The following METTL14 variants were observed in gnomAD, a reference collection of about 807,000 sequenced individuals.
The protein encoded by METTL14 is methyltransferase 14, N6-adenosine-methyltransferase non-catalytic subunit, also known as N(6)-adenosine-methyltransferase non-catalytic subunit METTL14.
METTL14 carries 32 observed loss-of-function variants against 62.4 expected under a neutral mutation model. The ratio of observed to expected loss-of-function variants is 0.51; its 90% CI spans 0.39 to 0.69. The LOEUF is 0.69. Ranked by LOEUF, METTL14 falls within the 30% of genes least tolerant of loss-of-function variation. The probability of loss-of-function intolerance (pLI) is 0.00; values close to 1 mark genes in which losing one functional copy is unlikely to be tolerated. For synonymous variants in METTL14, 150 were observed against 180.0 expected, an observed-to-expected ratio of 0.83 and a Z score of 1.34; for missense variants, 340 against 551.9, an observed-to-expected ratio of 0.62 and a Z score of 3.85.
chr4:118,692,226 C>CTTTTTTT (rs11387432), intron 5 of METTL14, among the ~76,000 whole-genome samples, 158 bp downstream of exon 5: 12 of 131,438 alleles, frequency 9.1e-5, no homozygotes, highest in African/African-American at 1.7e-4. Flanking sequence ...CTTTTCTTTT[C>CTTTTTTT]TTTTTTTTTT....
chr4:118,705,533 T>C (rs1238958553), intron 9 of METTL14, 78 bp from the exon 10 acceptor site: 12 of 1,101,122 alleles, frequency 1.1e-5, no homozygotes, highest in African/African-American at 3.1e-5. Flanking sequence ...GTTTTAGAAT[T>C]GAGGACATCA....
chr4:118,714,129 TTA>T lies in METTL14; in HGVS notation c.*3828_*3829del, dbSNP rs1313505376. On this transcript the variant is annotated 3_prime_UTR_variant, in exon 11 of 11. Coordinates refer to ENST00000388822, the MANE Select transcript of METTL14 (RefSeq NM_020961.4). ...TGTAAAATGCATATGGGACTCTATA[TTA>T]ATAGAGAAGCAGGCCAAGAACTTTT... 1.3e-5 allele frequency: 2 copies of T among 151,630 alleles called. No individual in the cohort carries two copies. The highest frequency in any genetic ancestry group is 2.9e-5 in the Non-Finnish European group (2 of 68,034). 9.4% of individuals were successfully genotyped at this position (151,630 alleles called of 1,614,324 possible).
intron 7 of METTL14, among the ~76,000 whole-genome samples, chr4:118,698,065 T>C (rs1346047152): frequency 6.6e-6 from 1 of 152,130 alleles, no homozygotes; most frequent in Non-Finnish European, 1.5e-5. Context: ...GTTGGGACTT[T>C]TATTCTGAAG....
At chr4:118,687,627 A>G (rs529916264) in intron 1 of METTL14, among the ~76,000 whole-genome samples, 1 of 152,336 alleles carries the variant, frequency 6.6e-6, no homozygotes, top group East Asian at 1.9e-4. Context: ...TTTACTTTCA[A>G]CTTACAATGG....
At chr4:118,687,821 GT>G in intron 1 of METTL14, 101 bp from the exon 2 acceptor site, 1 of 782,478 alleles carries the variant, frequency 1.3e-6, no homozygotes, top group African/African-American at 1.8e-5. Context: ...GAATTAAGGT[GT>G]TTTTGTTTTT....
At position 118,710,526 on chromosome 4, in the gene METTL14, A is replaced by G. The variant is rs920791335; in HGVS notation, c.*224A>G. On this transcript the variant is annotated 3_prime_UTR_variant, in exon 11 of 11. Coordinates refer to ENST00000388822, the MANE Select transcript of METTL14 (RefSeq NM_020961.4). Reference sequence around the variant, plus strand: ...TCTGCCTTTTGTTATGTGCGTGAACAGAATGGAACAACTCAAGTAGCTTCA... The same window carrying G: ...TCTGCCTTTTGTTATGTGCGTGAACGGAATGGAACAACTCAAGTAGCTTCA... 2.2e-6 allele frequency: 1 copy of G among 458,594 alleles called. No individual in the cohort carries two copies. Among genetic ancestry groups the G allele is most frequent in the African/African-American group, 2.0e-5 (1 of 50,878 alleles). The allele number at this position is 458,594 out of a possible 1,614,324, so 28.4% of individuals were successfully genotyped here.
intron 9 of METTL14, 71 bp downstream of exon 9, chr4:118,704,122 A>G (rs1161139493): frequency 1.2e-6 from 1 of 834,000 alleles, no homozygotes; most frequent in Non-Finnish European, 1.9e-6. Flanking sequence ...ATAACTGTAT[A>G]CTGTTTAATT....
At chr4:118,696,725 A>G (rs925184808) in intron 6 of METTL14, among the ~76,000 whole-genome samples, 3 of 152,132 alleles carry the variant, frequency 2.0e-5, no homozygotes, top group Non-Finnish European at 4.4e-5. Flanking sequence ...AAAGAAAACT[A>G]TATGAAAACT....
chr4:118,686,061 A>C (rs1330896091), intron 1 of METTL14, among the ~76,000 whole-genome samples: 1 of 152,244 alleles, frequency 6.6e-6, no homozygotes, highest in African/African-American at 2.4e-5. Flanking sequence ...GCCTGAGTGT[A>C]AATTTTAGAT....
At position 118,710,557 on chromosome 4, in the gene METTL14, A is replaced by G. The variant is rs1352023844; in HGVS notation, c.*255A>G. On this transcript the variant is annotated 3_prime_UTR_variant, in exon 11 of 11. Transcript: ENST00000388822. ...GAACAACTCAAGTAGCTTCATCTTC[A>G]GAGACTGAATTTATTCTGATAGACT... 1 of 362,822 alleles carries G rather than the reference A, an allele frequency of 2.8e-6. No individual in the cohort carries two copies. Among genetic ancestry groups the G allele is most frequent in the Admixed American group, 4.3e-5 (1 of 23,084 alleles). The allele number at this position is 362,822 out of a possible 1,614,324, so 22.5% of individuals were successfully genotyped here.
In METTL14 at chr4:118,691,616, A is replaced by G. The variant is rs1272517803; in HGVS notation, c.324+4A>G. The stretch of plus-strand genomic sequence containing the variant: ...AGATTCTAGTACTTTTCTTAAGGTA[A>G]AATAAATAATTTTCAAATTTTGTAA... On this transcript the variant is annotated splice_donor_region_variant and intron_variant, in intron 4 of 10. Transcript: ENST00000388822. 1 of 1,421,802 alleles carries G rather than the reference A, an allele frequency of 7.0e-7. No homozygotes were observed. Among genetic ancestry groups the G allele is most frequent in the Admixed American group, 2.4e-5 (1 of 41,874 alleles). 88.1% of individuals were successfully genotyped at this position (1,421,802 alleles called of 1,614,324 possible). A position where few individuals can be genotyped will look rare whatever the true frequency, so the allele number is the denominator to read the frequency against.
chr4:118,690,671 C>CT (rs1336530459), intron 3 of METTL14, among the ~76,000 whole-genome samples: 1 of 142,068 alleles, frequency 7.0e-6, no homozygotes, highest in Admixed American at 7.2e-5. Context: ...CAGAGTGACT[C>CT]TGTCTCAAAA....
rs1724245832 is a variant in METTL14 at position 118,691,520 on chromosome 4, AT to A, written c.244-11del. The A allele has an allele frequency of 6.1e-6, 9 of 1,479,930 alleles. No homozygotes were observed. The East Asian group carries it at 2.1e-4, about 35-fold the overall frequency. The allele number at this position is 1,479,930 out of a possible 1,614,324, so 91.7% of individuals were successfully genotyped here. On this transcript the variant is annotated splice_polypyrimidine_tract_variant and intron_variant, in intron 3 of 10. Transcript: ENST00000388822. Reference sequence around the variant, plus strand: ...ATTTGTAAAATATTTACTTAATCTTATGTTTTTCAAGGATGAACTAGAAATG... The same window carrying A: ...ATTTGTAAAATATTTACTTAATCTTAGTTTTTCAAGGATGAACTAGAAATG...
chr4:118,706,468 C>T (rs1336348720), intron 10 of METTL14, among the ~76,000 whole-genome samples: 9 of 152,042 alleles, frequency 5.9e-5, no homozygotes, highest in Admixed American at 2.0e-4. Flanking sequence ...TTGGATGTAC[C>T]GCAGTTTTTA....
intron 5 of METTL14, 105 bp downstream of exon 5, chr4:118,692,173 C>T (rs1218246791): frequency 5.6e-6 from 4 of 714,948 alleles, no homozygotes; most frequent in South Asian, 1.9e-5. Flanking sequence ...TCCAGCTTGA[C>T]ATCTTTTTTT....
chr4:118,697,382 T>G, intron 7 of METTL14, 59 bp downstream of exon 7: 1 of 1,414,648 alleles, frequency 7.1e-7, no homozygotes. Flanking sequence ...ATATGTTTAT[T>G]TGGTCAGAAA....
intron 3 of METTL14, 153 bp downstream of exon 3, chr4:118,689,610 C>G: frequency 4.4e-6 from 2 of 450,430 alleles, no homozygotes. Context: ...TACATTAAGA[C>G]CATTATATCA....
chr4:118,703,850 G>T, intron 8 of METTL14, 85 bp from the exon 9 acceptor site: 1 of 753,166 alleles, frequency 1.3e-6, no homozygotes. Context: ...CCTCTAGAAA[G>T]TTTTTTTTAA....
In METTL14 at chr4:118,697,243, A is replaced by G; in HGVS notation, c.565A>G (p.Ile189Val). 1 of 1,612,528 alleles carries G rather than the reference A, an allele frequency of 6.2e-7. No individual in the cohort carries two copies. The highest frequency in any genetic ancestry group is 8.5e-7 in the Non-Finnish European group (1 of 1,179,210). The change falls in exon 7 of 11, where the codon ATT becomes GTT. Residue 189 changes from isoleucine (I) to valine (V), a missense_variant. By Grantham distance (29) the Ile-to-Val change is conservative (BLOSUM62 3). This residue lies in a region of METTL14 where 41 missense variants were observed against 44.0 expected (regional missense o/e 0.93). Coordinates refer to ENST00000388822, the MANE Select transcript of METTL14 (RefSeq NM_020961.4). ...IRELTPKFDVILLEPPLEEYY... is the reference protein window; with the variant it reads ...IRELTPKFDVVLLEPPLEEYY... Reference sequence around the variant, plus strand: ...AGAACTAACACCCAAATTTGATGTGATTCTTCTGGAACCCCCTTTAGAAGA... The same window carrying G: ...AGAACTAACACCCAAATTTGATGTGGTTCTTCTGGAACCCCCTTTAGAAGA...
Sources: gnomAD v4.1 joint callset for allele counts (sites outside exome capture counted in the v4.1 genomes callset) on GRCh38, gnomAD v4.1.1 for gene constraint, gnomAD v4.1.1 regional missense constraint, MANE v1.5 for transcripts, NCBI Gene and HGNC (gene_info 2026-07-23, HGNC 2026-07-21) for gene names.